Variants in CCDC74A observed in about 807,000 individuals in gnomAD.
CCDC74A encodes the protein coiled-coil domain-containing protein 74A.
Under a neutral mutation model 37.6 loss-of-function variants are expected in CCDC74A, and 38 were observed. The ratio of observed to expected loss-of-function variants is 1.01; its 90% CI spans 0.78 to 1.33. CCDC74A has a LOEUF of 1.33. Ranked by LOEUF, CCDC74A falls within the 40% of genes most tolerant of loss-of-function variation. CCDC74A has a pLI of 0.00. For synonymous variants in CCDC74A, 134 were observed against 165.2 expected, an observed-to-expected ratio of 0.81 and a Z score of 1.45; for missense variants, 340 against 403.4, an observed-to-expected ratio of 0.84 and a Z score of 1.35.
intron 4 of CCDC74A, 51 bp downstream of exon 4, chr2:131,531,853 C>T (rs765752004): frequency 2.0e-6 from 3 of 1,537,720 alleles, no homozygotes; most frequent in Admixed American, 2.0e-5. Flanking sequence ...TAAGTCTTGC[C>T]TGCACCCTAA....
intron 1 of CCDC74A, chr2:131,528,498 G>C (rs777339807): frequency 3.7e-5 from 54 of 1,465,338 alleles, no homozygotes; most frequent in East Asian, 7.5e-5. Context: ...AGCAGGGTCA[G>C]ACACACCTCT....
upstream of CCDC74A, chr2:131,527,747 G>C (rs933200677): frequency 2.8e-4 from 183 of 654,686 alleles, no homozygotes; most frequent in Non-Finnish European, 3.9e-4. Context: ...CGTCCGCCTC[G>C]GCCTCCCAAA....
chr2:131,527,291 C>T (rs1214190906), upstream of CCDC74A, among the ~76,000 whole-genome samples: 2 of 150,978 alleles, frequency 1.3e-5, no homozygotes, highest in African/African-American at 4.9e-5. Flanking sequence ...TTTTAGGCAG[C>T]ATCTCACTCT....
In CCDC74A at chr2:131,529,910, G is replaced by A. The variant is rs1329844100; in HGVS notation, c.295+219G>A. 1.4e-5 allele frequency: 21 copies of A among 1,499,050 alleles called. No homozygotes were observed. The East Asian group carries it at 5.2e-4, about 37-fold the overall frequency. The allele number at this position is 1,499,050 out of a possible 1,614,324, so 92.9% of individuals were successfully genotyped here. ...GCTGCTCTCGGGAAGCCCAGGGCCT[G>A]AGGTCATTGCAGTGGGGAGGTGGGC... On this transcript the variant is annotated intron_variant, in intron 2 of 7. Coordinates refer to ENST00000409856, the MANE Select transcript of CCDC74A (RefSeq NM_001258306.3).
intron 3 of CCDC74A, among the ~76,000 whole-genome samples, chr2:131,531,158 G>A (rs1681227801): frequency 6.6e-6 from 1 of 152,106 alleles, no homozygotes; most frequent in South Asian, 2.1e-4. Context: ...GCTTGGCCGT[G>A]TCCCTGCCAC....
Position 131,527,947 on chromosome 2 carries a change from G to A in CCDC74A, c.-24G>A, listed in dbSNP as rs1389994584. The A allele has an allele frequency of 7.1e-7, 1 of 1,415,948 alleles. No homozygotes were observed. Among genetic ancestry groups the A allele is most frequent in the Admixed American group, 3.2e-5 (1 of 31,068 alleles). The allele number at this position is 1,415,948 out of a possible 1,614,324, so 87.7% of individuals were successfully genotyped here. A position where few individuals can be genotyped will look rare whatever the true frequency, so the allele number is the denominator to read the frequency against. On this transcript the variant is annotated 5_prime_UTR_variant, in exon 1 of 8. Coordinates refer to ENST00000409856, the MANE Select transcript of CCDC74A (RefSeq NM_001258306.3). ...CACTGAGCCGGGGTGCAGTGGCAGCGGGAGAGTACCTGGCGATGGCGATAT... is the reference window on the plus strand; with the variant it reads ...CACTGAGCCGGGGTGCAGTGGCAGCAGGAGAGTACCTGGCGATGGCGATAT...
At position 131,533,575 on chromosome 2, in the gene CCDC74A, T is replaced by G; in HGVS notation, c.*177T>G. On this transcript the variant is annotated 3_prime_UTR_variant, in exon 8 of 8. Coordinates refer to ENST00000409856, the MANE Select transcript of CCDC74A (RefSeq NM_001258306.3). ...GACAAACTGTTTATTTTCTAGCTGT[T>G]ATTTTGCTATTTGGCATTTACATAA... 3 of 861,396 alleles carry G rather than the reference T, an allele frequency of 3.5e-6. No individual in the cohort carries two copies. Among genetic ancestry groups the G allele is most frequent in the Non-Finnish European group, 5.2e-6 (3 of 572,754 alleles). 53.4% of individuals were successfully genotyped at this position (861,396 alleles called of 1,614,324 possible).
Position 131,527,975 on chromosome 2 carries a change from G to C in CCDC74A, c.5G>C (p.Ser2Thr), listed in dbSNP as rs1283265301. ...AGAGTACCTGGCGATGGCGATATGA[G>C]CGGTGCGGGGGTGGCGGCTGGGACG... M[S>T]GAGVAAGTRP... Residue 2 changes from serine to threonine, a missense_variant, in exon 1 of 8, where the codon AGC becomes ACC. Transcript: ENST00000409856. The C allele has an allele frequency of 9.0e-5, 130 of 1,440,354 alleles. No individual in the cohort carries two copies. The highest frequency in any genetic ancestry group is 1.1e-4 in the Non-Finnish European group (120 of 1,096,480). 89.2% of individuals were successfully genotyped at this position (1,440,354 alleles called of 1,614,324 possible).
At chr2:131,523,604 G>A (rs1680202221), upstream of CCDC74A, among the ~76,000 whole-genome samples, 1 of 152,194 alleles carries the variant, frequency 6.6e-6, no homozygotes. Flanking sequence ...TCCAGCCTGG[G>A]TGACAGAGAC....
chr2:131,532,993 C>T lies in CCDC74A; in HGVS notation c.753-20C>T. The T allele has an allele frequency of 1.2e-6, 2 of 1,613,962 alleles. No homozygotes were observed. The highest frequency in any genetic ancestry group is 8.5e-7 in the Non-Finnish European group (1 of 1,179,866). On this transcript the variant is annotated intron_variant, in intron 6 of 7. Transcript: ENST00000409856. Reference sequence around the variant, plus strand: ...CTGGGGTCCTATCCACAGCTCACTGCTGACTCTTCCTTCACCCAGGGACCA... The same window carrying T: ...CTGGGGTCCTATCCACAGCTCACTGTTGACTCTTCCTTCACCCAGGGACCA...
At chr2:131,526,999 A>G (rs1680356348), upstream of CCDC74A, among the ~76,000 whole-genome samples, 1 of 148,294 alleles carries the variant, frequency 6.7e-6, no homozygotes, top group African/African-American at 2.5e-5. Context: ...GTTTGCTGGT[A>G]TCTGGCAAAA....
At chr2:131,527,266 C>T (rs1680375694), upstream of CCDC74A, among the ~76,000 whole-genome samples, 1 of 151,582 alleles carries the variant, frequency 6.6e-6, no homozygotes, top group African/African-American at 2.4e-5. Context: ...TGAGCCACCG[C>T]GCCCAGCCTC....
chr2:131,530,246 C>T, intron 2 of CCDC74A: 1 of 1,546,666 alleles, frequency 6.5e-7, no homozygotes, highest in Non-Finnish European at 8.7e-7. Flanking sequence ...GCCCAGGATC[C>T]TGGGCTGTGG....
upstream of CCDC74A, among the ~76,000 whole-genome samples, chr2:131,525,071 C>T (rs943971367): frequency 3.9e-5 from 6 of 151,934 alleles, no homozygotes; most frequent in African/African-American, 1.2e-4. Context: ...TATCCTCCCT[C>T]CCAGCAGTAA....
upstream of CCDC74A, among the ~76,000 whole-genome samples, chr2:131,524,211 T>G (rs1680219876): frequency 6.6e-6 from 1 of 152,120 alleles, no homozygotes; most frequent in Non-Finnish European, 1.5e-5. Flanking sequence ...CACTATTAAC[T>G]CGGACACCTT....
upstream of CCDC74A, chr2:131,527,853 G>T: frequency 7.2e-7 from 1 of 1,393,828 alleles, no homozygotes; most frequent in Non-Finnish European, 9.3e-7. Flanking sequence ...CCCCGCCCCC[G>T]CCAACCGCCT....
upstream of CCDC74A, chr2:131,527,882 G>A (rs553100078): frequency 5.7e-5 from 80 of 1,407,118 alleles, no homozygotes; most frequent in African/African-American, 1.1e-3. Flanking sequence ...CCGTCGCCCG[G>A]TTTCCATGGT....
At position 131,533,541 on chromosome 2, in the gene CCDC74A, C is replaced by G; in HGVS notation, c.*143C>G. On this transcript the variant is annotated 3_prime_UTR_variant, in exon 8 of 8. Transcript: ENST00000409856. ...ACTCAAGATAGATAAAGTACTTGAT[C>G]TCCAAACTGACAAACTGTTTATTTT... 8.6e-7 allele frequency: 1 copy of G among 1,166,322 alleles called. No individual in the cohort carries two copies. The highest frequency in any genetic ancestry group is 1.2e-6 in the Non-Finnish European group (1 of 841,582). The allele number at this position is 1,166,322 out of a possible 1,614,324, so 72.2% of individuals were successfully genotyped here.
intron 1 of CCDC74A, chr2:131,529,308 A>G: frequency 1.9e-6 from 1 of 518,076 alleles, no homozygotes; most frequent in South Asian, 2.1e-5. Flanking sequence ...CCTGATCCCC[A>G]CGGGATCATG....
Sources: allele counts gnomAD v4.1 joint callset (sites outside exome capture counted in the v4.1 genomes callset), GRCh38; gene constraint gnomAD v4.1.1; transcripts MANE v1.5; gene names NCBI Gene and HGNC (gene_info 2026-07-23, HGNC 2026-07-21).